Variants in MAGI3 observed in about 807,000 individuals in gnomAD.
MAGI3 encodes membrane-associated guanylate kinase, WW and PDZ domain-containing protein 3.
In MAGI3, 43 loss-of-function variants were observed where a neutral mutation model predicts 121.8. The ratio of observed to expected loss-of-function variants is 0.35; its 90% CI spans 0.28 to 0.46. The LOEUF is 0.46. Ranked by LOEUF, MAGI3 falls within the 20% of genes least tolerant of loss-of-function variation. The pLI is 1.00. For missense variants in MAGI3, 1,547 were observed against 1,797.3 expected (o/e 0.86, Z 2.52); for synonymous variants, 553 against 639.3 (o/e 0.86, Z 2.04).
At chr1:113,603,337 G>A (rs1472929299) in intron 6 of MAGI3, among the ~76,000 whole-genome samples, 3 of 140,182 alleles carry the variant, frequency 2.1e-5, no homozygotes, top group Admixed American at 7.1e-5. Context: ...GATTGAATCA[G>A]TAATTTAAAA....
intron 1 of MAGI3, among the ~76,000 whole-genome samples, chr1:113,477,189 T>A (rs1049320625): frequency 6.6e-6 from 1 of 152,174 alleles, no homozygotes; most frequent in Non-Finnish European, 1.5e-5. Context: ...GAATTTGCCA[T>A]TCTGTGTCTT....
rs766890539 is a variant in MAGI3 at position 113,619,775 on chromosome 1, G to A, written c.1116G>A (p.Glu372=). 1 of 1,613,360 alleles carries A rather than the reference G, an allele frequency of 6.2e-7. No individual in the cohort carries two copies. The highest frequency in any genetic ancestry group is 8.5e-7 in the Non-Finnish European group (1 of 1,179,542). The part of the protein sequence containing the change: ...NQKTQFENPV[E]EAKRKKQLGQ... ...AAACCCAGTTTGAAAATCCAGTGGA[G>A]GAAGCCAAAAGGAAAAAGCAGTTAG... The change falls in exon 8 of 21, where the codon GAG becomes GAA. Residue 372 remains glutamate, a synonymous_variant. Coordinates refer to ENST00000307546, the MANE Select transcript of MAGI3 (RefSeq NM_001142782.2).
intron 1 of MAGI3, among the ~76,000 whole-genome samples, chr1:113,536,411 A>G (rs1659001262): frequency 1.3e-5 from 2 of 152,108 alleles, no homozygotes; most frequent in Admixed American, 6.6e-5. Context: ...GAATCTGTGT[A>G]TAATGCTGTC....
At chr1:113,583,909 CTTCA>C (rs1648202300) in intron 3 of MAGI3, among the ~76,000 whole-genome samples, 1 of 152,064 alleles carries the variant, frequency 6.6e-6, no homozygotes, top group Non-Finnish European at 1.5e-5. Flanking sequence ...ATTGTTTTGT[CTTCA>C]TTATTTTAAT....
intron 7 of MAGI3, among the ~76,000 whole-genome samples, chr1:113,619,006 A>G (rs1480517486): frequency 1.3e-5 from 2 of 152,190 alleles, no homozygotes; most frequent in African/African-American, 2.4e-5. Flanking sequence ...TGTAAAACAT[A>G]CTATCGCCCA....
chr1:113,551,124 C>A (rs1659771044), intron 2 of MAGI3, among the ~76,000 whole-genome samples: 1 of 152,134 alleles, frequency 6.6e-6, no homozygotes, highest in East Asian at 1.9e-4. Flanking sequence ...ATCTTACTGG[C>A]TACTTTACTT....
intron 16 of MAGI3, among the ~76,000 whole-genome samples, chr1:113,668,065 A>AAGAGCACTGACCAC (rs1647268173): frequency 6.6e-6 from 1 of 152,218 alleles, no homozygotes; most frequent in Admixed American, 6.5e-5. Context: ...ATAAATATCA[A>AAGAGCACTGACCAC]AGATCACTGA....
chr1:113,404,233 T>C (rs1651558156), intron 1 of MAGI3: 1 of 152,114 alleles, frequency 6.6e-6, no homozygotes, highest in South Asian at 2.1e-4. Flanking sequence ...TTTCTGTAGC[T>C]TAAAAAGATG....
chr1:113,608,104 C>G (rs1297808668), intron 6 of MAGI3, among the ~76,000 whole-genome samples: 1 of 152,114 alleles, frequency 6.6e-6, no homozygotes, highest in Non-Finnish European at 1.5e-5. Flanking sequence ...TATGACATGT[C>G]TCTCTTGTAG....
intron 15 of MAGI3, among the ~76,000 whole-genome samples, chr1:113,656,805 T>C (rs1313468498): frequency 2.0e-5 from 3 of 152,192 alleles, no homozygotes; most frequent in Non-Finnish European, 2.9e-5. Context: ...GTACCAGTTA[T>C]GGAATTCTGA....
intron 2 of MAGI3, among the ~76,000 whole-genome samples, chr1:113,575,882 C>T (rs548936308): frequency 1.3e-5 from 2 of 152,210 alleles, no homozygotes; most frequent in Non-Finnish European, 2.9e-5. Context: ...TTCAGAGATG[C>T]CCTGCCCAGT....
At chr1:113,627,428 T>A (rs1049243173) in intron 9 of MAGI3, among the ~76,000 whole-genome samples, 2 of 151,808 alleles carry the variant, frequency 1.3e-5, no homozygotes, top group East Asian at 1.9e-4. Flanking sequence ...TCTGTAAATA[T>A]CTATTAGGTC....
chr1:113,543,815 C>T (rs1659403657), intron 1 of MAGI3, among the ~76,000 whole-genome samples: 1 of 151,284 alleles, frequency 6.6e-6, no homozygotes, highest in Admixed American at 6.6e-5. Context: ...TTGCAGTGAG[C>T]CGAGATCGCA....
chr1:113,453,678 G>A (rs567784136), intron 1 of MAGI3, among the ~76,000 whole-genome samples: 4 of 152,048 alleles, frequency 2.6e-5, no homozygotes, highest in African/African-American at 9.7e-5. Context: ...TTACATAGTG[G>A]AGATAGCCCA....
In MAGI3 at chr1:113,432,810, A is replaced by G. The variant is rs116288816; in HGVS notation, c.316+41461A>G. 2.5e-3 allele frequency among the ~76,000 whole-genome samples: 375 copies of G among 152,292 alleles called. 7 individuals carry two copies. The highest frequency in any genetic ancestry group is 0.017 in the South Asian group (81 of 4,818). On this transcript the variant is annotated intron_variant, in intron 1 of 20. Coordinates refer to ENST00000307546, the MANE Select transcript of MAGI3 (RefSeq NM_001142782.2). ...AGAATTGTACCCTGTAACCATAAATATGTAGAATTTCTACCATATCAATAA... is the reference window on the plus strand; with the variant it reads ...AGAATTGTACCCTGTAACCATAAATGTGTAGAATTTCTACCATATCAATAA...
chr1:113,584,564 TTA>T (rs1648240540), intron 3 of MAGI3, among the ~76,000 whole-genome samples: 1 of 152,224 alleles, frequency 6.6e-6, no homozygotes, highest in Non-Finnish European at 1.5e-5. Context: ...GCCTACATTT[TTA>T]TATGATCTGG....
intron 8 of MAGI3, among the ~76,000 whole-genome samples, chr1:113,621,274 C>T (rs1432403105): frequency 2.0e-5 from 3 of 151,966 alleles, no homozygotes; most frequent in Non-Finnish European, 4.4e-5. Flanking sequence ...TAGTAACAAG[C>T]GATGAGGTTG....
intron 1 of MAGI3, chr1:113,450,089 T>C: frequency 2.7e-6 from 4 of 1,497,218 alleles, no homozygotes; most frequent in South Asian, 1.1e-5. Context: ...ATGGCAAAAT[T>C]GAAACCATAG....
intron 1 of MAGI3, among the ~76,000 whole-genome samples, chr1:113,476,373 C>T (rs1157719340): frequency 2.6e-5 from 4 of 152,136 alleles, no homozygotes; most frequent in Non-Finnish European, 4.4e-5. Flanking sequence ...CTATAAATTT[C>T]CCTCTACACA....
Sources: gnomAD v4.1 joint callset for allele counts (sites outside exome capture counted in the v4.1 genomes callset) on GRCh38, gnomAD v4.1.1 for gene constraint, MANE v1.5 for transcripts, NCBI Gene and HGNC (gene_info 2026-07-23, HGNC 2026-07-21) for gene names.